The following TARBP1 variants were observed in gnomAD, a reference collection of about 807,000 sequenced individuals.
TARBP1 encodes the protein tRNA guanosine 2 -O-methyltransferase TARBP1, also known as tRNA (guanosine(18)-2'-O)-methyltransferase TARBP1.
In TARBP1, 144 loss-of-function variants were observed where a neutral mutation model predicts 178.6. That is an observed-to-expected ratio of 0.81 (90% CI 0.70 to 0.93). The LOEUF (loss-of-function observed/expected upper bound fraction) is 0.93, where lower values mean the gene tolerates loss of function less well. Among genes scored for constraint, TARBP1 ranks in the 40% least tolerant of loss-of-function variants. TARBP1 has a pLI of 0.00. For missense variants in TARBP1, 2,067 were observed against 2,011.7 expected, an observed-to-expected ratio of 1.03 and a Z score of -0.53; for synonymous variants, 787 against 781.0, an observed-to-expected ratio of 1.01 and a Z score of -0.13.
Position 234,393,356 on chromosome 1 carries a change from A to C in TARBP1, c.4560+6T>G. On this transcript the variant is annotated splice_donor_region_variant and intron_variant, in intron 28 of 29. Transcript: ENST00000040877. ...GAACTTTAATAATAAATTACTTTCC[A>C]CCCACCTCCACTAGAGGAAGCCACT... is the stretch of plus-strand genomic sequence containing the variant. 2 of 1,512,046 alleles carry C rather than the reference A, an allele frequency of 1.3e-6. No homozygotes were observed. The highest frequency in any genetic ancestry group is 2.7e-5 in the South Asian group (2 of 75,018). 93.7% of individuals were successfully genotyped at this position (1,512,046 alleles called of 1,614,324 possible). A position where few individuals can be genotyped will look rare whatever the true frequency, so the allele number is the denominator to read the frequency against.
intron 6 of TARBP1, among the ~76,000 whole-genome samples, chr1:234,461,272 C>T (rs1667828934): frequency 1.3e-5 from 2 of 152,064 alleles, no homozygotes; most frequent in Admixed American, 1.3e-4. Flanking sequence ...TTCTGATACC[C>T]ATGAAGCTGT....
In TARBP1 at chr1:234,471,218, G is replaced by T; in HGVS notation, c.1069C>A (p.Leu357Met). The change falls in exon 3 of 30, where the codon CTG (leucine) becomes ATG (methionine). Residue 357 changes from leucine (L) to methionine (M), a missense_variant. By Grantham distance (15) the Leu-to-Met change is conservative. Transcript: ENST00000040877. ...TCCTCTGACACCGCATATTCAAACAGATTGTTTAGCTTTGGTAAAACTGGC... is the reference window on the plus strand; with the variant it reads ...TCCTCTGACACCGCATATTCAAACATATTGTTTAGCTTTGGTAAAACTGGC... ...IKPVLPKLNN[L>M]FEYAVSEENG... 6.2e-7 allele frequency: 1 copy of T among 1,600,788 alleles called. No individual in the cohort carries two copies. The highest frequency in any genetic ancestry group is 8.5e-7 in the Non-Finnish European group (1 of 1,176,200).
intron 20 of TARBP1, among the ~76,000 whole-genome samples, chr1:234,425,298 G>C (rs955723419): frequency 2.0e-5 from 3 of 152,170 alleles, no homozygotes; most frequent in African/African-American, 7.2e-5. Context: ...AATACAGAGT[G>C]AAGTACAGAT....
intron 24 of TARBP1, among the ~76,000 whole-genome samples, chr1:234,404,440 C>A (rs921866266): frequency 6.6e-6 from 1 of 151,656 alleles, no homozygotes; most frequent in East Asian, 1.9e-4. Flanking sequence ...AATGCAAATG[C>A]GATCCTGAGA....
chr1:234,435,177 C>A (rs1664876681), intron 13 of TARBP1, among the ~76,000 whole-genome samples: 1 of 152,134 alleles, frequency 6.6e-6, no homozygotes, highest in African/African-American at 2.4e-5. Flanking sequence ...TGGCTGGGTG[C>A]AGTGGCTCAC....
chr1:234,478,531 C>A lies in TARBP1; in HGVS notation c.573G>T (p.Val191=). 1 of 1,369,872 alleles carries A rather than the reference C, an allele frequency of 7.3e-7. No individual in the cohort carries two copies. The highest frequency in any genetic ancestry group is 1.5e-5 in the South Asian group (1 of 65,852). 84.9% of individuals were successfully genotyped at this position (1,369,872 alleles called of 1,614,324 possible). The change falls in exon 1 of 30, where the codon GTG becomes GTT. Residue 191 remains valine (V), a synonymous_variant. Transcript: ENST00000040877. ...CCAGCACTGGCAGCAGTCGCCCGGCCACCAGCGCCGCCGCGTCCTCGGCAG... is the reference window on the plus strand; with the variant it reads ...CCAGCACTGGCAGCAGTCGCCCGGCAACCAGCGCCGCCGCGTCCTCGGCAG... The part of the protein sequence containing the change: ...AGPAEDAAAL[V]AGRLLPVLVQ...
chr1:234,402,761 T>C (rs1660825524), intron 24 of TARBP1, among the ~76,000 whole-genome samples: 1 of 151,982 alleles, frequency 6.6e-6, no homozygotes, highest in South Asian at 2.1e-4. Context: ...ATTATTATTA[T>C]TTTTATAGAG....
intron 4 of TARBP1, among the ~76,000 whole-genome samples, chr1:234,466,337 C>T (rs1572398786): frequency 6.6e-6 from 1 of 151,728 alleles, no homozygotes; most frequent in Non-Finnish European, 1.5e-5. Context: ...CATGGCAAAA[C>T]CCTGTCTCTA....
intron 22 of TARBP1, among the ~76,000 whole-genome samples, chr1:234,412,356 A>T (rs908808759): frequency 2.0e-5 from 3 of 150,340 alleles, no homozygotes; most frequent in African/African-American, 7.4e-5. Context: ...CAGGAGATGG[A>T]GGTTGCAGTG....
chr1:234,472,329 C>CAA (rs1160411119), intron 2 of TARBP1, among the ~76,000 whole-genome samples: 5,293 of 46,038 alleles, frequency 0.11, 991 homozygotes, highest in Middle Eastern at 0.21. Context: ...ACTCTGTCTC[C>CAA]AAAAAAAAAA....
intron 1 of TARBP1, among the ~76,000 whole-genome samples, chr1:234,476,117 T>C (rs1050217837): frequency 6.6e-6 from 1 of 152,182 alleles, no homozygotes; most frequent in African/African-American, 2.4e-5. Context: ...TAACTATAAT[T>C]GATATGCTAA....
At position 234,391,571 on chromosome 1, in the gene TARBP1, G is replaced by A. The variant is rs948089952; in HGVS notation, c.*6C>T. 9 of 1,597,062 alleles carry A rather than the reference G, an allele frequency of 5.6e-6. No individual in the cohort carries two copies. The African/African-American group carries it at 6.7e-5, about 12-fold the overall frequency. ...ACAGCAGCAGCAGTTCACTAAGGAA[G>A]GCACATCATGGCTTGGTATCTCCGT... On this transcript the variant is annotated 3_prime_UTR_variant, in exon 30 of 30. Coordinates refer to ENST00000040877, the MANE Select transcript of TARBP1 (RefSeq NM_005646.4).
At chr1:234,396,071 C>G (rs1482206369) in intron 26 of TARBP1, among the ~76,000 whole-genome samples, 1 of 152,078 alleles carries the variant, frequency 6.6e-6, no homozygotes, top group Non-Finnish European at 1.5e-5. Flanking sequence ...AGTAAAACTT[C>G]TTTAAAAAAG....
chr1:234,411,337 G>A (rs2103067684), intron 22 of TARBP1, among the ~76,000 whole-genome samples: 1 of 152,270 alleles, frequency 6.6e-6, no homozygotes, highest in Non-Finnish European at 1.5e-5. Context: ...CTAAACAAAA[G>A]ACTTGAGCAT....
intron 26 of TARBP1, among the ~76,000 whole-genome samples, chr1:234,396,947 A>T (rs918566146): frequency 4.0e-5 from 6 of 151,714 alleles, no homozygotes; most frequent in African/African-American, 7.3e-5. Context: ...ACTGGCAAAC[A>T]TGTGGCACAG....
At chr1:234,419,063 G>A (rs1003375434) in intron 21 of TARBP1, among the ~76,000 whole-genome samples, 3 of 151,976 alleles carry the variant, frequency 2.0e-5, no homozygotes, top group Non-Finnish European at 2.9e-5. Flanking sequence ...TCCCAGCTAC[G>A]CGGGAGGCTG....
At chr1:234,450,393 G>A in intron 10 of TARBP1, 35 bp downstream of exon 10, 1 of 1,525,160 alleles carries the variant, frequency 6.6e-7, no homozygotes, top group Non-Finnish European at 8.8e-7. Context: ...AAATATTTTG[G>A]TTATATCAAT....
chr1:234,478,485 G>C lies in TARBP1; in HGVS notation c.619C>G (p.Leu207Val), dbSNP rs1164544958. ...PVLVQCGGAA[L>V]RAVWGGLAAP... ...GCCAGCCCGCCCCACACGGCCCGCA[G>C]CGCCGCCCCGCCACATTGGACCAGC... Residue 207 changes from leucine to valine, a missense_variant, in exon 1 of 30, where the codon CTG becomes GTG. By Grantham distance (32) the Leu-to-Val change is conservative. Coordinates refer to ENST00000040877, the MANE Select transcript of TARBP1 (RefSeq NM_005646.4). 1 of 1,382,514 alleles carries C rather than the reference G, an allele frequency of 7.2e-7. No individual in the cohort carries two copies. Among genetic ancestry groups the C allele is most frequent in the African/African-American group, 1.5e-5 (1 of 65,852 alleles). The allele number at this position is 1,382,514 out of a possible 1,614,324, so 85.6% of individuals were successfully genotyped here.
intron 3 of TARBP1, among the ~76,000 whole-genome samples, chr1:234,469,856 T>C (rs1000937268): frequency 6.6e-6 from 1 of 152,218 alleles, no homozygotes; most frequent in Non-Finnish European, 1.5e-5. Flanking sequence ...ATCCCGGAAT[T>C]TTCTCTTCCT....
Sources: allele counts gnomAD v4.1 joint callset (sites outside exome capture counted in the v4.1 genomes callset), GRCh38; gene constraint gnomAD v4.1.1; transcripts MANE v1.5; gene names NCBI Gene and HGNC (gene_info 2026-07-23, HGNC 2026-07-21).